The following KDM6A variants were observed in gnomAD, a reference collection of about 807,000 sequenced individuals.
KDM6A encodes the protein lysine-specific demethylase 6A.
KDM6A carries 11 observed loss-of-function variants against 117.6 expected under a neutral mutation model. That is an observed-to-expected ratio of 0.09 (90% CI 0.06 to 0.15). KDM6A has a LOEUF of 0.15. KDM6A is among the 10% of genes least tolerant of loss of function. The pLI is 1.00. For missense variants in KDM6A, 799 were observed against 1,077.3 expected, an observed-to-expected ratio of 0.74 and a Z score of 3.62; for synonymous variants, 384 against 396.1, an observed-to-expected ratio of 0.97 and a Z score of 0.36.
intron 4 of KDM6A, among the ~76,000 whole-genome samples, chrX:44,988,237 G>T (rs1043118854): frequency 3.6e-5 from 4 of 111,620 alleles, no homozygotes; most frequent in Non-Finnish European, 7.5e-5. Context: ...CATAGTTCTC[G>T]TGCCTTGGTT....
chrX:45,014,050 G>A (rs1399593364), intron 5 of KDM6A, among the ~76,000 whole-genome samples: 1 of 111,723 alleles, frequency 9.0e-6, no homozygotes, highest in Admixed American at 9.5e-5. Context: ...TTGTCAGCAT[G>A]AAGAATCTGC....
At chrX:44,977,293 G>T (rs1454870388) in intron 4 of KDM6A, among the ~76,000 whole-genome samples, 2 of 111,115 alleles carry the variant, frequency 1.8e-5, no homozygotes, top group Non-Finnish European at 3.8e-5. Context: ...TTGCTCTCTT[G>T]CACAGGGTGG....
intron 4 of KDM6A, among the ~76,000 whole-genome samples, chrX:45,003,867 C>CCT (rs1016453413): frequency 2.0e-5 from 2 of 101,636 alleles, no homozygotes; most frequent in Non-Finnish European, 4.0e-5. Context: ...CTCTCTCTCC[C>CCT]CTCTCTCTCT....
At chrX:45,108,986 G>A in intron 28 of KDM6A, among the ~76,000 whole-genome samples, 1 of 81,192 alleles carries the variant, frequency 1.2e-5, no homozygotes. Flanking sequence ...GGGGGAGGGG[G>A]GAGGGATAGC....
intron 2 of KDM6A, among the ~76,000 whole-genome samples, chrX:44,895,306 G>T (rs987657301): frequency 7.5e-5 from 8 of 106,843 alleles, no homozygotes; most frequent in African/African-American, 2.7e-4. Flanking sequence ...GTAGAGATGG[G>T]GTTTCACCGC....
chrX:44,978,924 A>G (rs1349490777), intron 4 of KDM6A, among the ~76,000 whole-genome samples: 2 of 112,185 alleles, frequency 1.8e-5, no homozygotes, highest in Non-Finnish European at 3.8e-5. Flanking sequence ...TATCAGTAGT[A>G]TGTTCTTTTT....
intron 27 of KDM6A, among the ~76,000 whole-genome samples, chrX:45,103,943 A>G (rs2046427528): frequency 8.9e-6 from 1 of 111,923 alleles, no homozygotes; most frequent in Admixed American, 9.5e-5. Flanking sequence ...AAGTACACGT[A>G]TGCAAAATAG....
intron 2 of KDM6A, among the ~76,000 whole-genome samples, chrX:44,891,918 C>G (rs1370171168): frequency 1.8e-5 from 2 of 112,380 alleles, no homozygotes; most frequent in African/African-American, 6.5e-5. Context: ...AGGCTATGTC[C>G]TAATGCTTGC....
At chrX:44,895,408 C>A (rs149828576) in intron 2 of KDM6A, among the ~76,000 whole-genome samples, 10 of 107,872 alleles carry the variant, frequency 9.3e-5, no homozygotes, top group African/African-American at 3.3e-4. Context: ...CATGAGCCAC[C>A]GCTCTGGGCC....
At chrX:45,060,259 T>C in intron 13 of KDM6A, 103 bp downstream of exon 13, 3 of 1,119,131 alleles carry the variant, frequency 2.7e-6, no homozygotes, top group Non-Finnish European at 3.6e-6. Context: ...CTTTTAGTAA[T>C]GAAAAGCCTT....
At chrX:45,034,080 T>G (rs1380860967) in intron 6 of KDM6A, among the ~76,000 whole-genome samples, 4 of 111,203 alleles carry the variant, frequency 3.6e-5, no homozygotes. Flanking sequence ...GAATATATAT[T>G]TGTAGGAATA....
At chrX:45,104,407 T>TTAA (rs1157533478) in intron 27 of KDM6A, among the ~76,000 whole-genome samples, 3 of 113,068 alleles carry the variant, frequency 2.7e-5, no homozygotes, top group Non-Finnish European at 5.6e-5. Flanking sequence ...AATCCTGATT[T>TTAA]TGTTTAGCTT....
At chrX:44,997,241 TGTGGGCTTGGAGAATTA>T (rs1348913506) in intron 4 of KDM6A, among the ~76,000 whole-genome samples, 1 of 112,282 alleles carries the variant, frequency 8.9e-6, no homozygotes, top group East Asian at 2.8e-4. Context: ...TCGGATCACA[TGTGGGCTTGGAGAATTA>T]GTGTAAAGTT....
At chrX:44,976,541 A>T (rs892311079) in intron 4 of KDM6A, among the ~76,000 whole-genome samples, 2 of 111,499 alleles carry the variant, frequency 1.8e-5, no homozygotes, top group East Asian at 5.6e-4. Flanking sequence ...ATTACTTATA[A>T]TACCTAATAA....
At chrX:44,926,658 A>T (rs933425248) in intron 2 of KDM6A, among the ~76,000 whole-genome samples, 15 of 111,542 alleles carry the variant, frequency 1.3e-4, no homozygotes, top group African/African-American at 4.9e-4. Flanking sequence ...ATAGATATTG[A>T]CACTTTTTCT....
intron 2 of KDM6A, among the ~76,000 whole-genome samples, chrX:44,877,587 G>A (rs753240894): frequency 2.5e-4 from 27 of 107,145 alleles, no homozygotes; most frequent in Non-Finnish European, 5.0e-4. Context: ...GAATATATAC[G>A]AATATATACC....
chrX:44,964,734 A>C (rs1185304975), intron 3 of KDM6A, among the ~76,000 whole-genome samples: 1 of 112,058 alleles, frequency 8.9e-6, no homozygotes, highest in African/African-American at 3.2e-5. Flanking sequence ...TAGAGCATAG[A>C]CAGTAGATTT....
intron 2 of KDM6A, among the ~76,000 whole-genome samples, chrX:44,916,841 C>T (rs1003156188): frequency 9.2e-6 from 1 of 108,711 alleles, no homozygotes; most frequent in Non-Finnish European, 1.9e-5. Context: ...GGACAGGGTC[C>T]CACTGTGTTG....
chrX:45,055,521 C>T (rs1199203428), intron 10 of KDM6A, among the ~76,000 whole-genome samples: 1 of 111,666 alleles, frequency 9.0e-6, no homozygotes, highest in Non-Finnish European at 1.9e-5. Flanking sequence ...CTAAATAAAG[C>T]TGGAGGGTCC....
Sources: gnomAD v4.1 joint callset for allele counts (sites outside exome capture counted in the v4.1 genomes callset) on GRCh38, gnomAD v4.1.1 for gene constraint, MANE v1.5 for transcripts, NCBI Gene and HGNC (gene_info 2026-07-23, HGNC 2026-07-21) for gene names.